Variants in IL3RA observed in about 807,000 individuals in gnomAD.
IL3RA encodes the protein interleukin 3 receptor subunit alpha.
Under a neutral mutation model 52.3 loss-of-function variants are expected in IL3RA, and 73 were observed. The observed-to-expected ratio is 1.40, with a 90% CI of 1.16 to 1.70. The LOEUF is 1.70. Ranked by LOEUF, IL3RA falls within the 40% of genes most tolerant of loss-of-function variation. The pLI is 0.00. For synonymous variants in IL3RA, 260 were observed against 194.0 expected, an observed-to-expected ratio of 1.34 and a Z score of -2.83; for missense variants, 664 against 504.4, an observed-to-expected ratio of 1.32 and a Z score of -3.03.
At chrX:1,340,721 C>T (rs2085456429) in intron 1 of IL3RA, among the ~76,000 whole-genome samples, 2 of 152,148 alleles carry the variant, frequency 1.3e-5, no homozygotes, top group Non-Finnish European at 2.9e-5. Flanking sequence ...CACGGTGGCT[C>T]ACACCTGTAA....
Position 1,352,237 on chromosome X carries a change from G to T in IL3RA, c.431+5G>T, listed in dbSNP as rs192255058. ...CCTGTACTTGAACGTTGCCAAGTAG[G>T]TGTGCCCGTGGGCAGAGGCCGGGCT... On this transcript the variant is annotated splice_donor_5th_base_variant and intron_variant, in intron 5 of 11. Transcript: ENST00000331035. 1.5e-4 allele frequency: 239 copies of T among 1,613,616 alleles called. No homozygotes were observed. The East Asian group carries it at 5.0e-3, about 34-fold the overall frequency.
chrX:1,380,174 G>A (rs1229460669), intron 10 of IL3RA, among the ~76,000 whole-genome samples: 1 of 146,184 alleles, frequency 6.8e-6, no homozygotes, highest in Non-Finnish European at 1.5e-5. Context: ...GATGACAGGC[G>A]TGTGCCACCA....
intron 7 of IL3RA, among the ~76,000 whole-genome samples, chrX:1,358,581 T>A (rs1350874195): frequency 6.6e-6 from 1 of 152,054 alleles, no homozygotes; most frequent in Non-Finnish European, 1.5e-5. Context: ...ATCACTTGAA[T>A]CCGGGAGGCG....
intron 7 of IL3RA, among the ~76,000 whole-genome samples, chrX:1,357,929 C>T (rs1478023916): frequency 2.7e-5 from 4 of 149,328 alleles, no homozygotes; most frequent in Non-Finnish European, 4.5e-5. Flanking sequence ...GGTAAAACCC[C>T]GTCTCTACTA....
intron 1 of IL3RA, among the ~76,000 whole-genome samples, chrX:1,338,527 G>A (rs1396801363): frequency 3.9e-5 from 6 of 152,200 alleles, no homozygotes; most frequent in South Asian, 2.1e-4. Context: ...CCAGCCACAC[G>A]GTGGAATATT....
rs188996562 is a variant in IL3RA, at chrX:1,341,632, G to C, written c.-38-96G>C. On this transcript the variant is annotated intron_variant, in intron 1 of 11. Coordinates refer to ENST00000331035, the MANE Select transcript of IL3RA (RefSeq NM_002183.4). ...CCCTCCAGAAGCAGCTCCTTCTGCT[G>C]TGAGCACCAGGCTCTGGAAGGGGCA... is the stretch of plus-strand genomic sequence containing the variant. The C allele has an allele frequency of 2.0e-5, 18 of 901,482 alleles. No homozygotes were observed. In the African/African-American group the frequency reaches 2.4e-4, roughly 12 times the overall value. The allele number at this position is 901,482 out of a possible 1,614,324, so 55.8% of individuals were successfully genotyped here.
At position 1,362,204 on chromosome X, in the gene IL3RA, CTG is replaced by C. The variant is rs1372836251; in HGVS notation, c.760-2932_760-2931del. 6.6e-5 allele frequency among the ~76,000 whole-genome samples: 10 copies of C among 150,598 alleles called. No homozygotes were observed. The Admixed American group carries it at 6.7e-4, about 10-fold the overall frequency. ...TCTATGTCTTTCTGTCTCTCCGTTTCTGTCTCTCTCTCTGTCCATCACCCACT... is the reference window on the plus strand; with the variant it reads ...TCTATGTCTTTCTGTCTCTCCGTTTCTCTCTCTCTCTGTCCATCACCCACT... On this transcript the variant is annotated intron_variant, in intron 8 of 11. Transcript: ENST00000331035.
rs2087822734 is a variant in IL3RA at position 1,365,151 on chromosome X, C to T, written c.773C>T (p.Thr258Ile). 6.2e-7 allele frequency: 1 copy of T among 1,609,506 alleles called. No individual in the cohort carries two copies. Among genetic ancestry groups the T allele is most frequent in the Non-Finnish European group, 8.5e-7 (1 of 1,177,546 alleles). Reference protein sequence around the residue: ...PVITEQVRDRTSFQLLNPGTY... With the variant: ...PVITEQVRDRISFQLLNPGTY... ...TTCAAACCACAGGTCAGAGACAGAA[C>T]CTCCTTCCAGCTACTCAATCCTGGA... The change falls in exon 9 of 12, where the codon ACC becomes ATC. Residue 258 changes from threonine (T) to isoleucine (I), a missense_variant. Coordinates refer to ENST00000331035, the MANE Select transcript of IL3RA (RefSeq NM_002183.4).
At chrX:1,356,420 G>A (rs1362864776) in intron 7 of IL3RA, 84 bp downstream of exon 7, 4 of 776,472 alleles carry the variant, frequency 5.2e-6, no homozygotes, top group Non-Finnish European at 8.5e-6. Context: ...GCCTTGAAAC[G>A]GGCAACAATC....
At chrX:1,348,400 A>T in intron 3 of IL3RA, 31 bp from the exon 4 acceptor site, 2 of 1,504,876 alleles carry the variant, frequency 1.3e-6, no homozygotes. Context: ...ATGGTCTGTC[A>T]GCAGCCATCA....
At chrX:1,373,829 C>T (rs1165307738) in intron 9 of IL3RA, among the ~76,000 whole-genome samples, 2 of 73,912 alleles carry the variant, frequency 2.7e-5, no homozygotes, top group African/African-American at 1.3e-4. Context: ...GGAGGAACAA[C>T]CCTGTGAGGA....
rs1195912473 is a variant in IL3RA at position 1,374,033 on chromosome X, TGAG to T, written c.875-4623_875-4621del. ...ACTAAGACATCCCATAAAAAGGAGA[TGAG>T]GACACAGACACACACGGAGGGACGA... is the stretch of plus-strand genomic sequence containing the variant. On this transcript the variant is annotated intron_variant, in intron 9 of 11. Coordinates refer to ENST00000331035, the MANE Select transcript of IL3RA (RefSeq NM_002183.4). 9.2e-5 allele frequency among the ~76,000 whole-genome samples: 4 copies of T among 43,456 alleles called. 1 individual carries two copies. In the East Asian group the frequency reaches 1.5e-3, roughly 16 times the overall value. The allele number at this position is 43,456 out of a possible 152,430, so 28.5% of individuals were successfully genotyped here.
Position 1,351,849 on chromosome X carries a change from C to A in IL3RA, c.299-251C>A, listed in dbSNP as rs1395698887. ...TTCACCATGTTAGCCAGGCTGGTCT[C>A]GAACTCCGGACCTCGGGTGATCCAC... On this transcript the variant is annotated intron_variant, in intron 4 of 11. Coordinates refer to ENST00000331035, the MANE Select transcript of IL3RA (RefSeq NM_002183.4). Among the ~76,000 whole-genome samples the A allele has an allele frequency of 2.0e-5, 3 of 151,826 alleles. No individual in the cohort carries two copies. The East Asian group carries it at 5.8e-4, about 29-fold the overall frequency.
At chrX:1,354,212 C>T (rs1312406774) in intron 6 of IL3RA, among the ~76,000 whole-genome samples, 2 of 152,136 alleles carry the variant, frequency 1.3e-5, no homozygotes, top group African/African-American at 4.8e-5. Context: ...ATAACTTCAG[C>T]CCACGCCAGT....
In IL3RA at chrX:1,382,644, T is replaced by G. The variant is rs1453390255; in HGVS notation, c.*179T>G. The stretch of plus-strand genomic sequence containing the variant: ...AGCTGCCAGGAAGAAGAACAGAACT[T>G]TGTGTGTTTATTTCATGATAAAGTG... On this transcript the variant is annotated 3_prime_UTR_variant, in exon 12 of 12. Coordinates refer to ENST00000331035, the MANE Select transcript of IL3RA (RefSeq NM_002183.4). 6.4e-5 allele frequency: 41 copies of G among 643,048 alleles called. No individual in the cohort carries two copies. The highest frequency in any genetic ancestry group is 8.5e-4 in the Middle Eastern group (2 of 2,356). 39.8% of individuals were successfully genotyped at this position (643,048 alleles called of 1,614,324 possible).
intron 6 of IL3RA, among the ~76,000 whole-genome samples, chrX:1,353,427 G>A (rs2086281346): frequency 7.0e-6 from 1 of 142,944 alleles, no homozygotes; most frequent in African/African-American, 2.7e-5. Flanking sequence ...TGGGTCATGG[G>A]AACCTCCATC....
At chrX:1,339,399 C>T (rs779693493) in intron 1 of IL3RA, among the ~76,000 whole-genome samples, 3 of 152,336 alleles carry the variant, frequency 2.0e-5, no homozygotes, top group South Asian at 2.1e-4. Context: ...CCCTCAGTCC[C>T]GTCCCCAGCC....
At chrX:1,377,799 C>T (rs1200561446) in intron 9 of IL3RA, among the ~76,000 whole-genome samples, 68 of 147,630 alleles carry the variant, frequency 4.6e-4, no homozygotes, top group Non-Finnish European at 8.6e-4. Flanking sequence ...AGAGGAGAAT[C>T]GTTTGAATCC....
chrX:1,350,133 T>A (rs1366114144), intron 4 of IL3RA, among the ~76,000 whole-genome samples: 1 of 152,044 alleles, frequency 6.6e-6, no homozygotes, highest in Non-Finnish European at 1.5e-5. Context: ...GAGTGAGAGC[T>A]GAGAGAGGTG....
Sources: gnomAD v4.1 joint callset for allele counts (sites outside exome capture counted in the v4.1 genomes callset) on GRCh38, gnomAD v4.1.1 for gene constraint, MANE v1.5 for transcripts, NCBI Gene and HGNC (gene_info 2026-07-23, HGNC 2026-07-21) for gene names.